The following NKAIN3 variants were observed in gnomAD, a reference collection of about 807,000 sequenced individuals.
NKAIN3 encodes the protein sodium/potassium-transporting ATPase subunit beta-1-interacting protein 3.
Under a neutral mutation model 30.2 loss-of-function variants are expected in NKAIN3, and 25 were observed. That is an observed-to-expected ratio of 0.83 (90% CI 0.60 to 1.16). The LOEUF is 1.16. NKAIN3 is among the 50% of genes most tolerant of loss of function. NKAIN3 has a pLI of 0.00. For missense variants in NKAIN3, 225 were observed against 254.1 expected, an observed-to-expected ratio of 0.89 and a Z score of 0.78; for synonymous variants, 91 against 89.6, an observed-to-expected ratio of 1.02 and a Z score of -0.09.
chr8:62,510,969 C>T (rs1026372270), intron 1 of NKAIN3, among the ~76,000 whole-genome samples: 1 of 152,066 alleles, frequency 6.6e-6, no homozygotes, highest in African/African-American at 2.4e-5. Flanking sequence ...GGCAGTGCTC[C>T]CAGGTTTCTG....
At chr8:62,793,320 G>A (rs533370064) in intron 4 of NKAIN3, among the ~76,000 whole-genome samples, 80 of 151,894 alleles carry the variant, frequency 5.3e-4, no homozygotes, top group Non-Finnish European at 1.0e-3. Context: ...TTCTTTCTCC[G>A]TCAATTGACA....
At chr8:62,633,529 C>G (rs1812031396) in intron 3 of NKAIN3, among the ~76,000 whole-genome samples, 4 of 152,160 alleles carry the variant, frequency 2.6e-5, no homozygotes, top group African/African-American at 9.7e-5. Flanking sequence ...GCATGACAGC[C>G]CCCACAGGGC....
intron 4 of NKAIN3, among the ~76,000 whole-genome samples, chr8:62,858,943 GCA>G (rs1299475012): frequency 6.6e-6 from 1 of 152,178 alleles, no homozygotes; most frequent in Non-Finnish European, 1.5e-5. Context: ...TGCCTGGGCT[GCA>G]GACACCTTTG....
At chr8:62,563,257 T>G (rs972419200) in intron 1 of NKAIN3, among the ~76,000 whole-genome samples, 3 of 152,152 alleles carry the variant, frequency 2.0e-5, no homozygotes, top group Non-Finnish European at 1.5e-5. Flanking sequence ...AGTTAGGTTT[T>G]GGGACAATTT....
intron 4 of NKAIN3, among the ~76,000 whole-genome samples, chr8:62,752,569 G>A (rs1816319601): frequency 6.6e-6 from 1 of 152,028 alleles, no homozygotes. Flanking sequence ...AGCATTTGTT[G>A]GACTGAATAT....
intron 4 of NKAIN3, among the ~76,000 whole-genome samples, chr8:62,802,816 T>A (rs1818117980): frequency 6.6e-6 from 1 of 152,166 alleles, no homozygotes; most frequent in Admixed American, 6.5e-5. Flanking sequence ...AGACACACAC[T>A]GGCAAACTGG....
In NKAIN3 at chr8:62,965,620, T is replaced by TAAAA. The variant is rs35150872; in HGVS notation, c.*226_*229dup. Reference sequence around the variant, plus strand: ...TTCTTATATGAACACTTGTAAGTTGTAAAAAAAAAAAAAAAAGAAAAAACA... The same window carrying TAAAA: ...TTCTTATATGAACACTTGTAAGTTGTAAAAAAAAAAAAAAAAAAAAGAAAAAACA... On this transcript the variant is annotated 3_prime_UTR_variant, in exon 7 of 7. Coordinates refer to ENST00000623646, the MANE Select transcript of NKAIN3 (RefSeq NM_001304533.3). 2.1e-3 allele frequency: 1,826 copies of TAAAA among 885,514 alleles called. 1 individual carries two copies. The highest frequency in any genetic ancestry group is 5.8e-3 in the African/African-American group (295 of 50,456). The allele number at this position is 885,514 out of a possible 1,614,324, so 54.9% of individuals were successfully genotyped here. A position where few individuals can be genotyped will look rare whatever the true frequency, so the allele number is the denominator to read the frequency against.
At chr8:62,443,528 T>C (rs896045118) in intron 1 of NKAIN3, among the ~76,000 whole-genome samples, 2 of 151,766 alleles carry the variant, frequency 1.3e-5, no homozygotes, top group Non-Finnish European at 2.9e-5. Flanking sequence ...GGACTAGAGG[T>C]GCGAGCCACC....
intron 1 of NKAIN3, among the ~76,000 whole-genome samples, chr8:62,570,637 T>A (rs1250516632): frequency 6.6e-6 from 1 of 152,138 alleles, no homozygotes; most frequent in African/African-American, 2.4e-5. Flanking sequence ...CGTGATTCAA[T>A]CATCTCCCAC....
intron 4 of NKAIN3, among the ~76,000 whole-genome samples, chr8:62,811,291 T>A (rs1248577814): frequency 1.3e-5 from 2 of 152,146 alleles, no homozygotes. Flanking sequence ...CTATGTTGTT[T>A]ACAGTTTTGG....
chr8:62,811,227 T>A (rs1818477440), intron 4 of NKAIN3, among the ~76,000 whole-genome samples: 1 of 152,118 alleles, frequency 6.6e-6, no homozygotes, highest in African/African-American at 2.4e-5. Context: ...CTGGTAGTAT[T>A]CCTTGATATG....
At chr8:62,319,512 A>C (rs1585674366) in intron 1 of NKAIN3, among the ~76,000 whole-genome samples, 1 of 152,008 alleles carries the variant, frequency 6.6e-6, no homozygotes, top group African/African-American at 2.4e-5. Flanking sequence ...TATGTGTCCC[A>C]GAGATTCTGG....
intron 4 of NKAIN3, among the ~76,000 whole-genome samples, chr8:62,802,909 T>G (rs199987246): frequency 5.9e-5 from 9 of 151,850 alleles, no homozygotes; most frequent in Admixed American, 2.6e-4. Flanking sequence ...AAAATAAAAG[T>G]ATGGAGGAAG....
At chr8:62,462,930 T>C (rs1354897616) in intron 1 of NKAIN3, among the ~76,000 whole-genome samples, 1 of 152,158 alleles carries the variant, frequency 6.6e-6, no homozygotes, top group East Asian at 1.9e-4. Context: ...ATGAGTGAAC[T>C]TCTCTTCTGT....
chr8:62,993,696 T>C (rs1028434865), intron 5 of NKAIN3, among the ~76,000 whole-genome samples: 1 of 152,050 alleles, frequency 6.6e-6, no homozygotes, highest in Non-Finnish European at 1.5e-5. Flanking sequence ...GATGTTGGGG[T>C]TGGAAGGATG....
intron 1 of NKAIN3, among the ~76,000 whole-genome samples, chr8:62,551,913 C>G (rs75521563): frequency 0.018 from 2,718 of 152,220 alleles, 86 homozygotes; most frequent in African/African-American, 0.062. Flanking sequence ...AGGTAGAAAA[C>G]TTTTCTCTTT....
At chr8:62,895,338 A>C (rs371735116) in intron 4 of NKAIN3, among the ~76,000 whole-genome samples, 1 of 152,216 alleles carries the variant, frequency 6.6e-6, no homozygotes, top group South Asian at 2.1e-4. Context: ...TGCTCATAAT[A>C]ACAATTGCTT....
intron 1 of NKAIN3, among the ~76,000 whole-genome samples, chr8:62,365,563 T>C (rs1458951473): frequency 1.3e-5 from 2 of 152,204 alleles, no homozygotes; most frequent in African/African-American, 4.8e-5. Context: ...TTGTTTCTAA[T>C]TTTTATTCTT....
chr8:62,421,550 A>AT (rs1804640962), intron 1 of NKAIN3, among the ~76,000 whole-genome samples: 1 of 151,556 alleles, frequency 6.6e-6, no homozygotes, highest in Non-Finnish European at 1.5e-5. Context: ...GGTGGAACTC[A>AT]TTTTTCTGTA....
Sources: allele counts gnomAD v4.1 joint callset (sites outside exome capture counted in the v4.1 genomes callset), GRCh38; gene constraint gnomAD v4.1.1; transcripts MANE v1.5; gene names NCBI Gene and HGNC (gene_info 2026-07-23, HGNC 2026-07-21).